Variants in WDR41 observed in about 807,000 individuals in gnomAD.
The protein encoded by WDR41 is WD repeat-containing protein 41.
Under a neutral mutation model 69.3 loss-of-function variants are expected in WDR41, and 63 were observed. The ratio of observed to expected loss-of-function variants is 0.91; its 90% CI spans 0.74 to 1.12. The LOEUF (loss-of-function observed/expected upper bound fraction) is 1.12, where lower values mean the gene tolerates loss of function less well. Ranked by LOEUF, WDR41 falls within the 50% of genes most tolerant of loss-of-function variation. The pLI is 0.00. For missense variants in WDR41, 543 were observed against 534.5 expected, an observed-to-expected ratio of 1.02 and a Z score of -0.16; for synonymous variants, 185 against 192.1, an observed-to-expected ratio of 0.96 and a Z score of 0.31.
intron 1 of WDR41, among the ~76,000 whole-genome samples, chr5:77,574,549 C>T (rs1465384665): frequency 6.6e-6 from 1 of 152,076 alleles, no homozygotes; most frequent in Non-Finnish European, 1.5e-5. Flanking sequence ...AGGATCATTA[C>T]TCAATGTTAT....
chr5:77,557,715 C>T (rs1380196165), intron 1 of WDR41, among the ~76,000 whole-genome samples: 2 of 152,032 alleles, frequency 1.3e-5, no homozygotes, highest in African/African-American at 2.4e-5. Context: ...AACTCTTGCA[C>T]ATATACACCA....
chr5:77,438,113 CATTTCCAAAAGA>C, intron 10 of WDR41, 115 bp downstream of exon 10: 12 of 1,385,214 alleles, frequency 8.7e-6, no homozygotes, highest in Non-Finnish European at 1.2e-5. Flanking sequence ...AGGCATTCTC[CATTTCCAAAAGA>C]ACACAGCAGG....
chr5:77,471,491 G>T (rs932575189), intron 2 of WDR41, among the ~76,000 whole-genome samples: 1 of 152,056 alleles, frequency 6.6e-6, no homozygotes, highest in African/African-American at 2.4e-5. Context: ...TCCCGGAACC[G>T]GTTTTTTGAA....
chr5:77,562,117 C>T (rs1489450525), intron 1 of WDR41, among the ~76,000 whole-genome samples: 2 of 152,098 alleles, frequency 1.3e-5, no homozygotes, highest in Non-Finnish European at 2.9e-5. Flanking sequence ...TGGCTGTGAC[C>T]TTCATGGTGG....
At chr5:77,455,204 G>A (rs1263194344) in intron 5 of WDR41, among the ~76,000 whole-genome samples, 1 of 152,114 alleles carries the variant, frequency 6.6e-6, no homozygotes, top group African/African-American at 2.4e-5. Context: ...TTTCACTGTG[G>A]TTTTGACTTG....
chr5:77,464,100 T>C (rs1201123947), intron 3 of WDR41, among the ~76,000 whole-genome samples: 1 of 152,128 alleles, frequency 6.6e-6, no homozygotes, highest in African/African-American at 2.4e-5. Context: ...TGTTACATTA[T>C]GCTATTACGC....
upstream of WDR41, among the ~76,000 whole-genome samples, chr5:77,496,275 G>A (rs1801932592): frequency 6.6e-6 from 1 of 151,960 alleles, no homozygotes; most frequent in African/African-American, 2.4e-5. Flanking sequence ...AGAGCTAGTA[G>A]ACAAAAAGAA....
At chr5:77,554,375 G>A (rs1489520546) in intron 1 of WDR41, among the ~76,000 whole-genome samples, 1 of 152,146 alleles carries the variant, frequency 6.6e-6, no homozygotes, top group African/African-American at 2.4e-5. Flanking sequence ...GTATTAGAAA[G>A]TGGGACCTTT....
intron 1 of WDR41, among the ~76,000 whole-genome samples, chr5:77,608,829 C>A (rs950463463): frequency 6.6e-6 from 1 of 152,176 alleles, no homozygotes; most frequent in Non-Finnish European, 1.5e-5. Context: ...GTGCACCGTG[C>A]GCAAGCCGAA....
At chr5:77,506,497 G>A (rs1340416193) in intron 1 of WDR41, among the ~76,000 whole-genome samples, 2 of 152,166 alleles carry the variant, frequency 1.3e-5, no homozygotes, top group African/African-American at 4.8e-5. Context: ...CAAGGATCTA[G>A]AACTAGAAAC....
intron 1 of WDR41, among the ~76,000 whole-genome samples, chr5:77,606,728 A>G (rs115074937): frequency 0.015 from 2,248 of 152,100 alleles, 47 homozygotes; most frequent in African/African-American, 0.051. Context: ...ACTTGAGACC[A>G]GGAGTTTGAG....
chr5:77,520,672 T>C (rs1802357829), intron 1 of WDR41, among the ~76,000 whole-genome samples: 1 of 152,166 alleles, frequency 6.6e-6, no homozygotes, highest in Non-Finnish European at 1.5e-5. Context: ...GAACTTCCTT[T>C]CAGATCTGAA....
At chr5:77,449,717 C>T (rs1363709331) in intron 8 of WDR41, 43 bp downstream of exon 8, 8 of 1,395,960 alleles carry the variant, frequency 5.7e-6, no homozygotes, top group Non-Finnish European at 8.1e-6. Context: ...GTTGTGTTAA[C>T]AAGCACAAAA....
upstream of WDR41, chr5:77,492,402 C>T (rs909863132): frequency 1.2e-4 from 86 of 715,548 alleles, no homozygotes; most frequent in Middle Eastern, 1.3e-3. Context: ...GTCCCCAAAG[C>T]GCTCCCGTAC....
At chr5:77,494,260 CA>C (rs1027449706), upstream of WDR41, among the ~76,000 whole-genome samples, 3 of 150,980 alleles carry the variant, frequency 2.0e-5, no homozygotes, top group African/African-American at 4.9e-5. Context: ...AAATGAGGTA[CA>C]AAAAAACTAT....
At chr5:77,617,927 AG>A (rs1744706781) in intron 1 of WDR41, among the ~76,000 whole-genome samples, 1 of 152,246 alleles carries the variant, frequency 6.6e-6, no homozygotes, top group Non-Finnish European at 1.5e-5. Context: ...GGAGGCTGAA[AG>A]AATTCCAGTC....
intron 1 of WDR41, chr5:77,491,723 A>T: frequency 6.0e-6 from 1 of 166,502 alleles, no homozygotes; most frequent in Non-Finnish European, 1.3e-5. Flanking sequence ...ACCAAGTATC[A>T]GTAGACGCCA....
In WDR41 at chr5:77,608,948, C is replaced by T. The variant is rs112290512; in HGVS notation, c.42+11531G>A. On this transcript the variant is annotated intron_variant, in intron 1 of 5. Transcript: ENST00000509971. Reference sequence around the variant, plus strand: ...CACCTGGAAAATCGGGTCACTCCCACCCGAATACTGCGCTTTTCCGACGGG... The same window carrying T: ...CACCTGGAAAATCGGGTCACTCCCATCCGAATACTGCGCTTTTCCGACGGG... 7.9e-3 allele frequency among the ~76,000 whole-genome samples: 1,203 copies of T among 152,328 alleles called. 15 individuals are homozygous for T. The highest frequency in any genetic ancestry group is 0.027 in the African/African-American group (1,107 of 41,570).
In WDR41 at chr5:77,530,710, C is replaced by A. The variant is rs1354237497; in HGVS notation, c.43-41138G>T. On this transcript the variant is annotated intron_variant, in intron 1 of 5. Transcript: ENST00000509971. The stretch of plus-strand genomic sequence containing the variant: ...TAGCTGTCAAAACCTAGAAAATGAA[C>A]AATTAAGATTTATGCATTTCATTAT... Among the ~76,000 whole-genome samples, 3 of 151,548 alleles carry A rather than the reference C, an allele frequency of 2.0e-5. No individual in the cohort carries two copies. In the East Asian group the frequency reaches 5.8e-4, roughly 29 times the overall value.
Sources: gnomAD v4.1 joint callset for allele counts (sites outside exome capture counted in the v4.1 genomes callset) on GRCh38, gnomAD v4.1.1 for gene constraint, MANE v1.5 for transcripts, NCBI Gene and HGNC (gene_info 2026-07-23, HGNC 2026-07-21) for gene names.